The following CDK6 variants were observed in gnomAD, a reference collection of about 807,000 sequenced individuals.
CDK6 encodes cyclin dependent kinase 6.
CDK6 carries 6 observed loss-of-function variants against 37.1 expected under a neutral mutation model. That is an observed-to-expected ratio of 0.16 (90% confidence interval 0.09 to 0.32). The LOEUF is 0.32. Among genes scored for constraint, CDK6 ranks in the 10% least tolerant of loss-of-function variants. The pLI is 1.00. For missense variants in CDK6, 224 were observed against 418.9 expected (o/e 0.53, Z 4.06); for synonymous variants, 160 against 161.3 (o/e 0.99, Z 0.06).
At chr7:92,825,996 C>T (rs1184936077) in intron 2 of CDK6, among the ~76,000 whole-genome samples, 15 of 152,046 alleles carry the variant, frequency 9.9e-5, no homozygotes. Flanking sequence ...AAATTATTTC[C>T]CAGGAATCCC....
Position 92,606,113 on chromosome 7 carries a change from AT to A in CDK6, c.*9026del, listed in dbSNP as rs1795422346. On this transcript the variant is annotated 3_prime_UTR_variant, in exon 8 of 8. Coordinates refer to ENST00000424848, the MANE Select transcript of CDK6 (RefSeq NM_001145306.2). ...CCCTGATATGAAAATAGCAGAATGAATTTCAAGTATGAAGAAATACAGTAAA... is the reference window on the plus strand; with the variant it reads ...CCCTGATATGAAAATAGCAGAATGAATTCAAGTATGAAGAAATACAGTAAA... The A allele has an allele frequency of 3.4e-5, 8 of 233,520 alleles. No individual in the cohort carries two copies. The East Asian group carries it at 4.8e-4, about 14-fold the overall frequency. The allele number at this position is 233,520 out of a possible 1,614,324, so 14.5% of individuals were successfully genotyped here.
At chr7:92,708,330 C>A (rs1324737682) in intron 4 of CDK6, among the ~76,000 whole-genome samples, 5 of 152,204 alleles carry the variant, frequency 3.3e-5, no homozygotes, top group Non-Finnish European at 5.9e-5. Context: ...AGTGCATCAT[C>A]ATTACCAATT....
intron 4 of CDK6, among the ~76,000 whole-genome samples, chr7:92,676,913 C>A (rs947513919): frequency 1.3e-5 from 2 of 149,622 alleles, no homozygotes; most frequent in East Asian, 2.0e-4. Context: ...GAGCTGAGAT[C>A]GCGCCACTGC....
intron 5 of CDK6, among the ~76,000 whole-genome samples, chr7:92,636,712 C>G (rs1796178942): frequency 6.6e-6 from 1 of 152,204 alleles, no homozygotes; most frequent in Non-Finnish European, 1.5e-5. Context: ...AGTGCCCAGG[C>G]TGGAGTGCAG....
At chr7:92,747,053 A>G (rs1190616931) in intron 3 of CDK6, among the ~76,000 whole-genome samples, 3 of 152,150 alleles carry the variant, frequency 2.0e-5, no homozygotes, top group Non-Finnish European at 4.4e-5. Flanking sequence ...CATGGGGCTC[A>G]GAAGTTGCAG....
chr7:92,733,903 A>G (rs1798711271), intron 3 of CDK6, among the ~76,000 whole-genome samples: 1 of 152,140 alleles, frequency 6.6e-6, no homozygotes, highest in Admixed American at 6.6e-5. Context: ...GGTCTATGTT[A>G]CCCAGGTTGG....
chr7:92,832,477 C>A (rs1007441306), intron 2 of CDK6, among the ~76,000 whole-genome samples: 2 of 152,182 alleles, frequency 1.3e-5, no homozygotes, highest in African/African-American at 4.8e-5. Flanking sequence ...ATTTTTATGA[C>A]GCTGTTTGAG....
At chr7:92,661,932 TGAA>T (rs1203045898) in intron 5 of CDK6, among the ~76,000 whole-genome samples, 2 of 152,118 alleles carry the variant, frequency 1.3e-5, no homozygotes, top group Non-Finnish European at 1.5e-5. Context: ...AATGAGCAAG[TGAA>T]GAAGAAGTGG....
At chr7:92,829,038 A>G (rs1801408514) in intron 2 of CDK6, among the ~76,000 whole-genome samples, 2 of 152,184 alleles carry the variant, frequency 1.3e-5, no homozygotes, top group African/African-American at 4.8e-5. Flanking sequence ...TAGCAATTTT[A>G]TTCAGAAGGA....
intron 3 of CDK6, among the ~76,000 whole-genome samples, chr7:92,756,846 G>A (rs1285770058): frequency 2.6e-5 from 4 of 152,178 alleles, no homozygotes; most frequent in African/African-American, 9.7e-5. Context: ...AACGGAGTAT[G>A]CATACCCACC....
Position 92,835,933 on chromosome 7 carries a change from A to C in CDK6, c.-368+545T>G, listed in dbSNP as rs1397444190. ...GCCGGCTGCGTGCACTTTTCTGTGT[A>C]TAACACGCCCGCAGGAAGCCTGCGT... On this transcript the variant is annotated intron_variant, in intron 1 of 7. Coordinates refer to ENST00000424848, the MANE Select transcript of CDK6 (RefSeq NM_001145306.2). The surrounding 1 kb of genome is among the most constrained non-coding windows in gnomAD (Gnocchi z 4.2). 1.3e-5 allele frequency among the ~76,000 whole-genome samples: 2 copies of C among 152,246 alleles called. No individual in the cohort carries two copies. Among genetic ancestry groups the C allele is most frequent in the African/African-American group, 2.4e-5 (1 of 41,466 alleles).
At position 92,611,914 on chromosome 7, in the gene CDK6, GC is replaced by G; in HGVS notation, c.*3225del. 1 of 232,546 alleles carries G rather than the reference GC, an allele frequency of 4.3e-6. No individual in the cohort carries two copies. The highest frequency in any genetic ancestry group is 8.5e-6 in the Non-Finnish European group (1 of 117,710). The allele number at this position is 232,546 out of a possible 1,614,324, so 14.4% of individuals were successfully genotyped here. On this transcript the variant is annotated 3_prime_UTR_variant, in exon 8 of 8. Transcript: ENST00000424848. ...CATGAGAATACAGGGGGCTGAAATG[GC>G]CCCAAGCTTTCTTCCAAAACAGGTT...
intron 5 of CDK6, among the ~76,000 whole-genome samples, chr7:92,649,894 T>C (rs956465974): frequency 2.0e-5 from 3 of 152,208 alleles, no homozygotes; most frequent in Non-Finnish European, 1.5e-5. Context: ...CCTAGGTAAG[T>C]AGCCTTCAGA....
chr7:92,739,665 G>T (rs1000191211), intron 3 of CDK6, among the ~76,000 whole-genome samples: 1 of 152,184 alleles, frequency 6.6e-6, no homozygotes, highest in Non-Finnish European at 1.5e-5. Context: ...AGTATCTCTT[G>T]CCTGGATTAC....
At chr7:92,742,861 A>G (rs1798960181) in intron 3 of CDK6, among the ~76,000 whole-genome samples, 1 of 152,202 alleles carries the variant, frequency 6.6e-6, no homozygotes, top group Non-Finnish European at 1.5e-5. Flanking sequence ...TAACATATTT[A>G]GAGTTCGCAG....
chr7:92,818,269 C>A (rs1215663414), intron 2 of CDK6, among the ~76,000 whole-genome samples: 1 of 151,852 alleles, frequency 6.6e-6, no homozygotes, highest in African/African-American at 2.4e-5. Context: ...TGCAAAAGAA[C>A]AAAGAGTCTA....
At chr7:92,711,552 ATTTTT>A (rs11285626) in intron 4 of CDK6, among the ~76,000 whole-genome samples, 181 of 56,620 alleles carry the variant, frequency 3.2e-3, no homozygotes, top group African/African-American at 0.014. Flanking sequence ...GAATGGTCAA[ATTTTT>A]TTTTTTTTTT....
intron 2 of CDK6, among the ~76,000 whole-genome samples, chr7:92,787,363 AT>A (rs1186891776): frequency 6.6e-6 from 1 of 152,016 alleles, no homozygotes; most frequent in Non-Finnish European, 1.5e-5. Context: ...TTCAATTCAG[AT>A]TTTTTTCTCC....
At chr7:92,638,779 C>G (rs543710007) in intron 5 of CDK6, among the ~76,000 whole-genome samples, 1 of 152,192 alleles carries the variant, frequency 6.6e-6, no homozygotes, top group South Asian at 2.1e-4. Flanking sequence ...CTTTTGACCC[C>G]CCCAGAGTTA....
Sources: allele counts gnomAD v4.1 joint callset (sites outside exome capture counted in the v4.1 genomes callset), GRCh38; gene constraint gnomAD v4.1.1; non-coding constraint Gnocchi (gnomAD v3.1); transcripts MANE v1.5; gene names NCBI Gene and HGNC (gene_info 2026-07-23, HGNC 2026-07-21).